The following BACH2 variants were observed in gnomAD, a reference collection of about 807,000 sequenced individuals.
BACH2 encodes the protein transcription regulator protein BACH2.
A neutral mutation model predicts 61.8 loss-of-function variants in BACH2; 5 were observed. The observed-to-expected ratio is 0.08, with a 90% CI of 0.04 to 0.17. The LOEUF is 0.17. Among genes scored for constraint, BACH2 ranks in the 10% least tolerant of loss-of-function variants. The probability of loss-of-function intolerance (pLI) is 1.00; values close to 1 mark genes in which losing one functional copy is unlikely to be tolerated. For missense variants in BACH2, 824 were observed against 1,091.1 expected, an observed-to-expected ratio of 0.76 and a Z score of 3.45; for synonymous variants, 446 against 440.1, an observed-to-expected ratio of 1.01 and a Z score of -0.17.
chr6:90,149,232 G>C (rs982009105), intron 4 of BACH2, among the ~76,000 whole-genome samples: 1 of 152,184 alleles, frequency 6.6e-6, no homozygotes, highest in African/African-American at 2.4e-5. Context: ...TAAGGGGCAA[G>C]TAACCTACAT....
At chr6:90,162,471 G>A (rs1785226750) in intron 4 of BACH2, among the ~76,000 whole-genome samples, 1 of 151,740 alleles carries the variant, frequency 6.6e-6, no homozygotes, top group South Asian at 2.1e-4. Context: ...AGACCTTGCT[G>A]CTACAAAAAA....
intron 5 of BACH2, among the ~76,000 whole-genome samples, chr6:90,056,833 C>T (rs1780381301): frequency 6.6e-6 from 1 of 152,162 alleles, no homozygotes; most frequent in Non-Finnish European, 1.5e-5. Context: ...CAAAACTGCT[C>T]AACTACATGG....
intron 2 of BACH2, among the ~76,000 whole-genome samples, chr6:90,270,523 G>A (rs1299145540): frequency 1.3e-5 from 2 of 152,128 alleles, no homozygotes; most frequent in Non-Finnish European, 2.9e-5. Flanking sequence ...CCTAACCAAG[G>A]AGGTGAAAAT....
intron 5 of BACH2, among the ~76,000 whole-genome samples, chr6:90,047,607 C>T (rs1033451211): frequency 4.6e-5 from 7 of 152,256 alleles, no homozygotes; most frequent in African/African-American, 1.4e-4. Flanking sequence ...TTTTGAAAGC[C>T]GTGGCTGTCT....
At position 89,983,693 on chromosome 6, in the gene BACH2, AAGTC is replaced by A. The variant is rs575414974; in HGVS notation, c.243+24905_243+24908del. Among the ~76,000 whole-genome samples the A allele has an allele frequency of 2.7e-3, 412 of 152,264 alleles. 5 individuals carry two copies. Among genetic ancestry groups the A allele is most frequent in the African/African-American group, 9.3e-3 (386 of 41,566 alleles). ...CAAAAAATAAATAAATAAAATAAAAAAGTCAGTTCCTTAGTCACACACGTGGCTA... is the reference window on the plus strand; with the variant it reads ...CAAAAAATAAATAAATAAAATAAAAAAGTTCCTTAGTCACACACGTGGCTA... On this transcript the variant is annotated intron_variant, in intron 6 of 8. Transcript: ENST00000257749.
At chr6:90,049,291 AACT>A (rs1400992739) in intron 5 of BACH2, among the ~76,000 whole-genome samples, 1 of 152,220 alleles carries the variant, frequency 6.6e-6, no homozygotes, top group African/African-American at 2.4e-5. Flanking sequence ...GTAAACAATA[AACT>A]ACTAAGTAGT....
chr6:90,291,166 C>T (rs999814869), intron 1 of BACH2, among the ~76,000 whole-genome samples: 6 of 152,216 alleles, frequency 3.9e-5, no homozygotes, highest in East Asian at 1.9e-4. Flanking sequence ...GCTGAAGAAA[C>T]GGTGATTATG....
At chr6:89,981,284 AC>A in intron 6 of BACH2, among the ~76,000 whole-genome samples, 1 of 151,622 alleles carries the variant, frequency 6.6e-6, no homozygotes, top group East Asian at 1.9e-4. Flanking sequence ...GGTGCCCGCC[AC>A]CATGCCTGGC....
chr6:90,021,627 G>T (rs1253717312), intron 5 of BACH2, among the ~76,000 whole-genome samples: 1 of 151,922 alleles, frequency 6.6e-6, no homozygotes, highest in Non-Finnish European at 1.5e-5. Context: ...AACTGTAAGG[G>T]TTAGTTCTTA....
At chr6:90,031,866 T>C (rs1037145611) in intron 5 of BACH2, among the ~76,000 whole-genome samples, 1 of 152,112 alleles carries the variant, frequency 6.6e-6, no homozygotes, top group African/African-American at 2.4e-5. Context: ...TTAAAGTTCA[T>C]ACGGAAACAA....
At chr6:90,053,993 A>C (rs1245607670) in intron 5 of BACH2, among the ~76,000 whole-genome samples, 1 of 152,220 alleles carries the variant, frequency 6.6e-6, no homozygotes, top group African/African-American at 2.4e-5. Context: ...GGGAGGAGCC[A>C]AGATGGCCGA....
chr6:90,280,364 A>C (rs12200345), intron 1 of BACH2, among the ~76,000 whole-genome samples: 7,267 of 152,298 alleles, frequency 0.048, 224 homozygotes, highest in Admixed American at 0.092. Context: ...GCCCAAATAC[A>C]TAAGCAACCT....
At chr6:90,204,521 C>A (rs911863806) in intron 4 of BACH2, among the ~76,000 whole-genome samples, 1 of 152,126 alleles carries the variant, frequency 6.6e-6, no homozygotes, top group Admixed American at 6.5e-5. Flanking sequence ...CTGAGCCACT[C>A]AGGCAGAACA....
At chr6:90,228,652 T>C (rs750995461) in intron 3 of BACH2, among the ~76,000 whole-genome samples, 16 of 152,102 alleles carry the variant, frequency 1.1e-4, no homozygotes, top group Non-Finnish European at 1.6e-4. Context: ...GGCAGGAGAA[T>C]TGCTTGAACC....
chr6:90,155,446 T>C (rs565450625), intron 4 of BACH2, among the ~76,000 whole-genome samples: 52 of 152,372 alleles, frequency 3.4e-4, no homozygotes, highest in African/African-American at 9.9e-4. Flanking sequence ...GAGAATGCCA[T>C]GCAAGGGCTA....
At chr6:90,214,607 C>T (rs972458753) in intron 3 of BACH2, among the ~76,000 whole-genome samples, 5 of 152,144 alleles carry the variant, frequency 3.3e-5, no homozygotes, top group Non-Finnish European at 5.9e-5. Flanking sequence ...CTAGTGCTTA[C>T]AACTGAAACT....
chr6:90,210,932 G>A (rs1039258140), intron 3 of BACH2, among the ~76,000 whole-genome samples: 1 of 151,910 alleles, frequency 6.6e-6, no homozygotes, highest in African/African-American at 2.4e-5. Context: ...GGCTGAGACG[G>A]GTGGACCACT....
At chr6:90,188,202 T>A (rs1370643402) in intron 4 of BACH2, among the ~76,000 whole-genome samples, 1 of 152,250 alleles carries the variant, frequency 6.6e-6, no homozygotes, top group African/African-American at 2.4e-5. Context: ...GTGTTCTAAT[T>A]TCTAAAATGT....
intron 5 of BACH2, among the ~76,000 whole-genome samples, chr6:90,035,726 G>T (rs1379379743): frequency 1.3e-5 from 2 of 152,006 alleles, no homozygotes. Context: ...TGAAAAAACA[G>T]TTTCATTTCA....
Sources: allele counts gnomAD v4.1 joint callset (sites outside exome capture counted in the v4.1 genomes callset), GRCh38; gene constraint gnomAD v4.1.1; transcripts MANE v1.5; gene names NCBI Gene and HGNC (gene_info 2026-07-23, HGNC 2026-07-21).